The following BIRC6 variants were observed in gnomAD, a reference collection of about 807,000 sequenced individuals.
The protein encoded by BIRC6 is dual E2 ubiquitin-conjugating enzyme/E3 ubiquitin-protein ligase BIRC6.
Under a neutral mutation model 503.3 loss-of-function variants are expected in BIRC6, and 98 were observed. The observed-to-expected ratio is 0.19, with a 90% CI of 0.17 to 0.23. BIRC6 has a LOEUF of 0.23. Among genes scored for constraint, BIRC6 ranks in the 10% least tolerant of loss-of-function variants. The pLI is 1.00. For missense variants in BIRC6, 5,360 were observed against 5,806.0 expected, an observed-to-expected ratio of 0.92 and a Z score of 2.50; for synonymous variants, 2,240 against 2,078.7, an observed-to-expected ratio of 1.08 and a Z score of -2.11.
intron 3 of BIRC6, among the ~76,000 whole-genome samples, chr2:32,385,539 TG>T (rs2038307831): frequency 6.6e-6 from 1 of 152,158 alleles, no homozygotes; most frequent in African/African-American, 2.4e-5. Flanking sequence ...AAAAGGAGAA[TG>T]GTTATTTGCA....
In BIRC6 at chr2:32,525,334, A is replaced by G. The variant is rs1311356460; in HGVS notation, c.11756-130A>G. 3.0e-6 allele frequency: 3 copies of G among 998,518 alleles called. No individual in the cohort carries two copies. In the African/African-American group the frequency reaches 4.9e-5, roughly 16 times the overall value. The allele number at this position is 998,518 out of a possible 1,614,324, so 61.9% of individuals were successfully genotyped here. A position where few individuals can be genotyped will look rare whatever the true frequency, so the allele number is the denominator to read the frequency against. The stretch of plus-strand genomic sequence containing the variant: ...ATAGAATTGGGAGATTAGATATTGG[A>G]TTAGAAGGAACATTTCTGTTTTCTG... On this transcript the variant is annotated intron_variant, in intron 58 of 73. Coordinates refer to ENST00000421745, the MANE Select transcript of BIRC6 (RefSeq NM_016252.4).
rs1208785371 is a variant in BIRC6, at chr2:32,508,146, C to T, written c.9867C>T (p.Ser3289=). Residue 3289 remains serine (S), a synonymous_variant, in exon 51 of 74, where the codon AGC becomes AGT. Coordinates refer to ENST00000421745, the MANE Select transcript of BIRC6 (RefSeq NM_016252.4). The part of the protein sequence containing the change: ...CLRLHRPRDA[S]TLGLSQIKLL... ...GACTACATCGTCCACGGGATGCCAG[C>T]ACATTAGGCCTTTCACAAATTAAAT... 1 of 1,613,850 alleles carries T rather than the reference C, an allele frequency of 6.2e-7. No homozygotes were observed. Among genetic ancestry groups the T allele is most frequent in the Non-Finnish European group, 8.5e-7 (1 of 1,179,860 alleles).
intron 66 of BIRC6, among the ~76,000 whole-genome samples, chr2:32,593,326 C>T (rs1316385341): frequency 3.3e-5 from 5 of 152,116 alleles, no homozygotes; most frequent in Admixed American, 3.3e-4. Context: ...TGCTGTAATA[C>T]ATCCTATTGT....
At chr2:32,362,139 TCTCATCAGCAATGAATGTTCTACTTC>T (rs1417966512) in intron 1 of BIRC6, among the ~76,000 whole-genome samples, 1 of 152,170 alleles carries the variant, frequency 6.6e-6, no homozygotes, top group Non-Finnish European at 1.5e-5. Flanking sequence ...CATTTTGTAT[TCTCATCAGCAATGAATGTTCTACTTC>T]CTCACCAGCA....
intron 65 of BIRC6, among the ~76,000 whole-genome samples, chr2:32,569,081 C>T (rs180866507): frequency 4.3e-4 from 65 of 151,524 alleles, no homozygotes; most frequent in Non-Finnish European, 8.5e-4. Flanking sequence ...CCTCTGCCTC[C>T]CAGGTTCAAG....
At chr2:32,497,397 AATTT>A (rs1180069020) in intron 45 of BIRC6, among the ~76,000 whole-genome samples, 2 of 152,194 alleles carry the variant, frequency 1.3e-5, no homozygotes, top group African/African-American at 2.4e-5. Context: ...TAACTTGCTG[AATTT>A]ATTCTCTGAA....
At chr2:32,440,751 T>TTTATTATTATTATTATTATTA (rs769945864) in intron 16 of BIRC6, among the ~76,000 whole-genome samples, 182 of 147,180 alleles carry the variant, frequency 1.2e-3, no homozygotes, top group South Asian at 6.8e-3. Context: ...TGTTTATTTA[T>TTTATTATTATTATTATTATTA]TTATTATTAT....
chr2:32,575,844 A>C (rs979516241), intron 66 of BIRC6, among the ~76,000 whole-genome samples: 5 of 152,182 alleles, frequency 3.3e-5, no homozygotes, highest in African/African-American at 1.2e-4. Flanking sequence ...TATCCACCCA[A>C]ATTATACACT....
intron 73 of BIRC6, among the ~76,000 whole-genome samples, chr2:32,612,430 G>A (rs1204968342): frequency 6.6e-6 from 1 of 152,008 alleles, no homozygotes; most frequent in African/African-American, 2.4e-5. Flanking sequence ...GCATCTGAAT[G>A]TCTTTACTCA....
intron 22 of BIRC6, 92 bp from the exon 23 acceptor site, chr2:32,453,716 T>A (rs1421295363): frequency 8.2e-7 from 1 of 1,225,570 alleles, no homozygotes; most frequent in Non-Finnish European, 1.2e-6. Flanking sequence ...TATGTTCTAA[T>A]TAAAATTGAA....
At chr2:32,370,213 C>T (rs1334470782) in intron 1 of BIRC6, among the ~76,000 whole-genome samples, 2 of 151,828 alleles carry the variant, frequency 1.3e-5, no homozygotes, top group Admixed American at 6.6e-5. Flanking sequence ...GTATCTTACA[C>T]GGAGTAGTAG....
At chr2:32,443,424 C>A in intron 19 of BIRC6, 67 bp from the exon 20 acceptor site, 1 of 1,075,182 alleles carries the variant, frequency 9.3e-7, no homozygotes, top group Non-Finnish European at 1.3e-6. Context: ...GGTACCACAC[C>A]AGGTTTAGGG....
intron 72 of BIRC6, among the ~76,000 whole-genome samples, chr2:32,611,223 A>T (rs1432017332): frequency 2.6e-5 from 4 of 151,908 alleles, no homozygotes; most frequent in Non-Finnish European, 5.9e-5. Flanking sequence ...CTCTTGCCTC[A>T]GCCTCCCAAA....
At chr2:32,485,600 A>G in intron 39 of BIRC6, 43 bp from the exon 40 acceptor site, 2 of 1,310,530 alleles carry the variant, frequency 1.5e-6, no homozygotes, top group Non-Finnish European at 2.2e-6. Flanking sequence ...GACATGAGTA[A>G]TAATTGTCAA....
intron 1 of BIRC6, among the ~76,000 whole-genome samples, chr2:32,369,355 C>T (rs2035439844): frequency 6.6e-6 from 1 of 151,888 alleles, no homozygotes; most frequent in South Asian, 2.1e-4. Context: ...ATGTTCCAAA[C>T]CGTAGGATTA....
At position 32,618,135 on chromosome 2, in the gene BIRC6, A is replaced by G. The variant is rs1176837397; in HGVS notation, c.*231A>G. 5.4e-6 allele frequency: 2 copies of G among 369,728 alleles called. No homozygotes were observed. The highest frequency in any genetic ancestry group is 9.7e-6 in the Non-Finnish European group (2 of 205,938). The allele number at this position is 369,728 out of a possible 1,614,324, so 22.9% of individuals were successfully genotyped here. ...TGAGAACCACTGATTGGTATGTTCAACAAATTTGTGTATACAAAGAAATGG... is the reference window on the plus strand; with the variant it reads ...TGAGAACCACTGATTGGTATGTTCAGCAAATTTGTGTATACAAAGAAATGG... On this transcript the variant is annotated 3_prime_UTR_variant, in exon 74 of 74. Coordinates refer to ENST00000421745, the MANE Select transcript of BIRC6 (RefSeq NM_016252.4).
chr2:32,609,003 C>T (rs2062666185), intron 72 of BIRC6, among the ~76,000 whole-genome samples: 1 of 151,980 alleles, frequency 6.6e-6, no homozygotes, highest in Non-Finnish European at 1.5e-5. Flanking sequence ...CCTCAGCCTC[C>T]CGAGTAGCTG....
In BIRC6 at chr2:32,509,915, A is replaced by G; in HGVS notation, c.10158A>G (p.Gly3386=). ...TCGAGGTTGTGCTTGTAAAGATAGG[A>G]CTGCAGTCTACTAGAATTGGCCTGA... is the stretch of plus-strand genomic sequence containing the variant. ...PNIEVVLVKI[G]LQSTRIGLKL... The change falls in exon 52 of 74, where the codon GGA becomes GGG. Residue 3386 remains glycine (G), a synonymous_variant. Coordinates refer to ENST00000421745, the MANE Select transcript of BIRC6 (RefSeq NM_016252.4). The G allele has an allele frequency of 6.2e-7, 1 of 1,613,928 alleles. No individual in the cohort carries two copies. Among genetic ancestry groups the G allele is most frequent in the Non-Finnish European group, 8.5e-7 (1 of 1,179,858 alleles).
At chr2:32,530,468 C>T (rs1341683715) in intron 60 of BIRC6, among the ~76,000 whole-genome samples, 1 of 152,180 alleles carries the variant, frequency 6.6e-6, no homozygotes, top group Non-Finnish European at 1.5e-5. Context: ...GCTTCGGCCT[C>T]ACAAAGTGCT....
Sources: gnomAD v4.1 joint callset for allele counts (sites outside exome capture counted in the v4.1 genomes callset) on GRCh38, gnomAD v4.1.1 for gene constraint, MANE v1.5 for transcripts, NCBI Gene and HGNC (gene_info 2026-07-23, HGNC 2026-07-21) for gene names.